SPEF2: variants seen among roughly 807,000 people sequenced by gnomAD.
The protein encoded by SPEF2 is sperm flagella and cilia-associated protein 2.
SPEF2 carries 187 observed loss-of-function variants against 224.6 expected under a neutral mutation model. The observed-to-expected ratio is 0.83, with a 90% CI of 0.74 to 0.94. The LOEUF is 0.94. Among genes scored for constraint, SPEF2 ranks in the 40% least tolerant of loss-of-function variants. SPEF2 has a pLI of 0.00. For synonymous variants in SPEF2, 715 were observed against 707.3 expected (o/e 1.01, Z -0.17); for missense variants, 2,170 against 2,135.6 (o/e 1.02, Z -0.32).
At chr5:35,729,873 G>A (rs1327579476) in intron 21 of SPEF2, among the ~76,000 whole-genome samples, 1 of 152,004 alleles carries the variant, frequency 6.6e-6, no homozygotes, top group Non-Finnish European at 1.5e-5. Context: ...TTCTCTTGCC[G>A]CTGCCACGTA....
chr5:35,670,331 C>A (rs1276627202), intron 10 of SPEF2, 104 bp downstream of exon 10: 1 of 1,452,432 alleles, frequency 6.9e-7, no homozygotes, highest in Non-Finnish European at 9.0e-7. Flanking sequence ...TAAAAATAGA[C>A]ATGTTTTGTT....
intron 24 of SPEF2, among the ~76,000 whole-genome samples, chr5:35,757,070 T>A (rs1237421583): frequency 6.6e-6 from 1 of 151,990 alleles, no homozygotes; most frequent in African/African-American, 2.4e-5. Flanking sequence ...ATATTGTTTT[T>A]AATAACTATT....
At chr5:35,677,974 T>C (rs752143766) in intron 10 of SPEF2, among the ~76,000 whole-genome samples, 2 of 152,182 alleles carry the variant, frequency 1.3e-5, no homozygotes, top group Admixed American at 6.5e-5. Flanking sequence ...GCTGGAGTGA[T>C]TGGATTGCAT....
chr5:35,674,650 A>G (rs1024948233), intron 10 of SPEF2, among the ~76,000 whole-genome samples: 2 of 150,904 alleles, frequency 1.3e-5, no homozygotes, highest in Admixed American at 1.3e-4. Flanking sequence ...TCCTTGCGAT[A>G]GTTTGCTGAG....
chr5:35,663,374 A>G (rs2149460998), intron 8 of SPEF2, among the ~76,000 whole-genome samples: 1 of 152,260 alleles, frequency 6.6e-6, no homozygotes, highest in South Asian at 2.1e-4. Flanking sequence ...AGACACTTCA[A>G]ATTCAACATG....
chr5:35,617,895 A>T lies in SPEF2; in HGVS notation c.-103A>T. On this transcript the variant is annotated 5_prime_UTR_variant, in exon 1 of 37. Transcript: ENST00000356031. Reference sequence around the variant, plus strand: ...CTAGTTCCAGCCTGGATACGCTTCCATAGCAAAGGGTTGCCCTTGGCTACA... The same window carrying T: ...CTAGTTCCAGCCTGGATACGCTTCCTTAGCAAAGGGTTGCCCTTGGCTACA... The T allele has an allele frequency of 8.8e-7, 1 of 1,130,014 alleles. No homozygotes were observed. The highest frequency in any genetic ancestry group is 1.3e-6 in the Non-Finnish European group (1 of 762,854). 70.0% of individuals were successfully genotyped at this position (1,130,014 alleles called of 1,614,324 possible). A position where few individuals can be genotyped will look rare whatever the true frequency, so the allele number is the denominator to read the frequency against.
chr5:35,789,735 T>G (rs1245565774), intron 30 of SPEF2: 1 of 682,664 alleles, frequency 1.5e-6, no homozygotes, highest in Admixed American at 2.2e-5. Flanking sequence ...TTTGAACCTA[T>G]TATTCTCCCA....
chr5:35,759,501 A>T (rs557579863), intron 24 of SPEF2, 67 bp from the exon 25 acceptor site: 1 of 1,314,050 alleles, frequency 7.6e-7, no homozygotes, highest in African/African-American at 1.5e-5. Flanking sequence ...TCAGAGGCTT[A>T]TATCGGAAAT....
chr5:35,740,288 T>C, intron 23 of SPEF2, 21 bp downstream of exon 23: 1 of 1,613,208 alleles, frequency 6.2e-7, no homozygotes, highest in Non-Finnish European at 8.5e-7. Flanking sequence ...AGTGACCTAT[T>C]GGGACAGGGT....
At chr5:35,753,056 T>C (rs1487379711) in intron 23 of SPEF2, among the ~76,000 whole-genome samples, 3 of 151,378 alleles carry the variant, frequency 2.0e-5, no homozygotes, top group African/African-American at 7.2e-5. Context: ...TAAATTATTA[T>C]GTTTATATTT....
At chr5:35,775,581 G>C (rs1470260618) in intron 28 of SPEF2, among the ~76,000 whole-genome samples, 1 of 152,120 alleles carries the variant, frequency 6.6e-6, no homozygotes, top group Non-Finnish European at 1.5e-5. Flanking sequence ...GCAACTGGGA[G>C]CTAGGGAAAA....
chr5:35,710,026 G>A (rs1294332351), intron 19 of SPEF2: 1 of 977,712 alleles, frequency 1.0e-6, no homozygotes, highest in Non-Finnish European at 1.2e-6. Flanking sequence ...ATTAAACAAA[G>A]ACATATGAAG....
At chr5:35,712,309 A>G (rs1175208347) in intron 19 of SPEF2, among the ~76,000 whole-genome samples, 2 of 151,922 alleles carry the variant, frequency 1.3e-5, no homozygotes, top group Non-Finnish European at 2.9e-5. Context: ...TGCCCAGGCC[A>G]TACTCAAACT....
chr5:35,777,580 T>C (rs913768472), intron 29 of SPEF2, among the ~76,000 whole-genome samples: 1 of 151,218 alleles, frequency 6.6e-6, no homozygotes, highest in Non-Finnish European at 1.5e-5. Flanking sequence ...TTTCTCAGAT[T>C]TATATTGTAT....
intron 36 of SPEF2, 21 bp downstream of exon 36, chr5:35,807,274 C>T: frequency 6.2e-7 from 1 of 1,600,890 alleles, no homozygotes; most frequent in Non-Finnish European, 8.5e-7. Context: ...CCCCAAAGTG[C>T]TCTAATTTGG....
At chr5:35,691,360 A>G in intron 11 of SPEF2, 104 bp downstream of exon 11, 3 of 875,648 alleles carry the variant, frequency 3.4e-6, no homozygotes, top group Admixed American at 2.8e-5. Flanking sequence ...CACTGCTGAT[A>G]TGTTGGGAAA....
intron 3 of SPEF2, chr5:35,643,629 T>C: frequency 2.2e-6 from 1 of 447,468 alleles, no homozygotes; most frequent in South Asian, 1.6e-5. Context: ...ATGGTTCATG[T>C]GGAAGAGGTG....
chr5:35,723,819 A>G (rs1463973290), intron 20 of SPEF2, among the ~76,000 whole-genome samples: 1 of 152,246 alleles, frequency 6.6e-6, no homozygotes, highest in Non-Finnish European at 1.5e-5. Flanking sequence ...AACAGAGGAC[A>G]GTATGTGGCA....
At chr5:35,699,366 G>C (rs1206379206) in intron 15 of SPEF2, 1 of 152,152 alleles carries the variant, frequency 6.6e-6, no homozygotes, top group African/African-American at 2.4e-5. Flanking sequence ...TTCTCACCTT[G>C]TTTTCCAGCT....
Sources: gnomAD v4.1 joint callset for allele counts (sites outside exome capture counted in the v4.1 genomes callset) on GRCh38, gnomAD v4.1.1 for gene constraint, MANE v1.5 for transcripts, NCBI Gene and HGNC (gene_info 2026-07-23, HGNC 2026-07-21) for gene names.